C5orf46: variants seen among roughly 807,000 people sequenced by gnomAD.
C5orf46 encodes the protein uncharacterized protein C5orf46.
Under a neutral mutation model 8.9 loss-of-function variants are expected in C5orf46, and 9 were observed. That is an observed-to-expected ratio of 1.01 (90% CI 0.61 to 1.76). The LOEUF (loss-of-function observed/expected upper bound fraction) is 1.76. C5orf46 is among the 40% of genes most tolerant of loss of function. The pLI is 0.00. For missense variants in C5orf46, 98 were observed against 107.8 expected, an observed-to-expected ratio of 0.91 and a Z score of 0.40; for synonymous variants, 47 against 41.4, an observed-to-expected ratio of 1.14 and a Z score of -0.52.
rs1437340074 is a variant in C5orf46, at chr5:147,906,456, C to A, written c.46G>T (p.Val16Phe). 6.2e-7 allele frequency: 1 copy of A among 1,611,444 alleles called. No individual in the cohort carries two copies. The highest frequency in any genetic ancestry group is 8.5e-7 in the Non-Finnish European group (1 of 1,178,494). ...LRLTVVLGLL[V>F]LFLTCYADDK... ...CCTGCATAGCAGGTCAGGAATAAGA[C>A]AAGCAGTCCCAGGACAACTGTCAGG... The change falls in exon 1 of 4, where the codon GTC (valine) becomes TTC (phenylalanine). Residue 16 changes from valine to phenylalanine, a missense_variant. Transcript: ENST00000318315.
intron 1 of C5orf46, among the ~76,000 whole-genome samples, chr5:147,903,193 G>A (rs1757698250): frequency 6.6e-6 from 1 of 152,186 alleles, no homozygotes; most frequent in South Asian, 2.1e-4. Flanking sequence ...AGGATAAAGT[G>A]GGACCTTTAT....
At chr5:147,891,627 T>C (rs1228945207), downstream of C5orf46, among the ~76,000 whole-genome samples, 1 of 152,192 alleles carries the variant, frequency 6.6e-6, no homozygotes, top group Admixed American at 6.5e-5. Flanking sequence ...AATATAGTTG[T>C]AGTAAATATG....
intron 3 of C5orf46, among the ~76,000 whole-genome samples, chr5:147,894,490 G>T (rs1389982914): frequency 6.6e-6 from 1 of 152,118 alleles, no homozygotes; most frequent in Non-Finnish European, 1.5e-5. Context: ...GTTGTGTGTA[G>T]AATCTCTTCT....
chr5:147,890,211 A>G (rs1274659924), downstream of C5orf46, among the ~76,000 whole-genome samples: 1 of 152,192 alleles, frequency 6.6e-6, no homozygotes, highest in African/African-American at 2.4e-5. Context: ...CTTCTGCATC[A>G]AGACTGTGAG....
rs542967078 is a variant in C5orf46, at chr5:147,898,554, AC to A, written c.216-1514del. 3.6e-3 allele frequency among the ~76,000 whole-genome samples: 548 copies of A among 152,286 alleles called. 4 individuals are homozygous for A. Among genetic ancestry groups the A allele is most frequent in the African/African-American group, 0.013 (531 of 41,574 alleles). On this transcript the variant is annotated intron_variant, in intron 2 of 3. Transcript: ENST00000318315. ...ATCTGGAGCTCAGGAAAAAATTGCA[AC>A]AGAAATGTGAATTTGAAACTCATTA...
downstream of C5orf46, among the ~76,000 whole-genome samples, chr5:147,890,874 G>T (rs1394945390): frequency 6.6e-6 from 1 of 152,156 alleles, no homozygotes. Flanking sequence ...TGAAGTGTTT[G>T]TTTCAAATGA....
intron 3 of C5orf46, among the ~76,000 whole-genome samples, chr5:147,896,336 A>C (rs754794645): frequency 6.6e-6 from 1 of 152,174 alleles, no homozygotes; most frequent in Non-Finnish European, 1.5e-5. Context: ...TCTATTTTGC[A>C]TAGTGATTAT....
chr5:147,888,116 A>G (rs1757448579), downstream of C5orf46, among the ~76,000 whole-genome samples: 1 of 152,166 alleles, frequency 6.6e-6, no homozygotes, highest in Non-Finnish European at 1.5e-5. Flanking sequence ...TCAGACTCCT[A>G]CGAGTCATTC....
At chr5:147,902,983 G>A (rs910799686) in intron 1 of C5orf46, among the ~76,000 whole-genome samples, 1 of 152,186 alleles carries the variant, frequency 6.6e-6, no homozygotes, top group Non-Finnish European at 1.5e-5. Context: ...AAAATGCTAA[G>A]ATGATAACTG....
chr5:147,901,233 A>C (rs1757664359), intron 2 of C5orf46: 1 of 156,096 alleles, frequency 6.4e-6, no homozygotes, highest in South Asian at 2.0e-4. Context: ...TTTTAACTTC[A>C]CAGTTAAAAT....
At chr5:147,901,468 T>C (rs1757668180) in intron 2 of C5orf46, 161 bp downstream of exon 2, 3 of 608,934 alleles carry the variant, frequency 4.9e-6, no homozygotes, top group South Asian at 3.1e-5. Context: ...TTGATTCAGA[T>C]GCAAAATATA....
chr5:147,904,524 A>G (rs906827299), intron 1 of C5orf46, among the ~76,000 whole-genome samples: 8 of 152,226 alleles, frequency 5.3e-5, no homozygotes, highest in African/African-American at 1.9e-4. Flanking sequence ...CTATCTGGCT[A>G]CTTGCATAAT....
chr5:147,896,463 G>T (rs1561630593), intron 3 of C5orf46, among the ~76,000 whole-genome samples: 1 of 152,040 alleles, frequency 6.6e-6, no homozygotes, highest in Non-Finnish European at 1.5e-5. Flanking sequence ...TAACACTTTT[G>T]TTTTCGTATT....
chr5:147,894,986 C>T (rs1201202712), intron 3 of C5orf46, among the ~76,000 whole-genome samples: 1 of 151,846 alleles, frequency 6.6e-6, no homozygotes, highest in Non-Finnish European at 1.5e-5. Flanking sequence ...TCACTTGAAC[C>T]CAGGAGGCAG....
At chr5:147,904,090 A>T (rs1221262125) in intron 1 of C5orf46, among the ~76,000 whole-genome samples, 1 of 114,696 alleles carries the variant, frequency 8.7e-6, no homozygotes, top group Admixed American at 8.5e-5. Context: ...GAGTCAAGGT[A>T]AAAAAAAAAA....
chr5:147,901,682 T>C lies in C5orf46; in HGVS notation c.162A>G (p.Thr54=), dbSNP rs1374950828. ...DFPKFLSLLG[T]EIIENAVEFI... ...ACTCGACTGCATTCTCAATGATCTC[T>C]GTGCCCAGGAGGCTTAGGAATTTGG... The change falls in exon 2 of 4, where the codon ACA becomes ACG. Residue 54 remains threonine, a synonymous_variant. Transcript: ENST00000318315. 3.7e-6 allele frequency: 6 copies of C among 1,613,848 alleles called. No homozygotes were observed. Among genetic ancestry groups the C allele is most frequent in the Admixed American group, 3.3e-5 (2 of 60,000 alleles).
intron 1 of C5orf46, among the ~76,000 whole-genome samples, chr5:147,903,395 CTG>C (rs1233315352): frequency 6.6e-6 from 1 of 152,198 alleles, no homozygotes; most frequent in Non-Finnish European, 1.5e-5. Context: ...CCAAATCTAA[CTG>C]TGTTTCTCGT....
intron 2 of C5orf46, among the ~76,000 whole-genome samples, chr5:147,900,829 A>C (rs1345093512): frequency 6.6e-6 from 1 of 152,240 alleles, no homozygotes; most frequent in African/African-American, 2.4e-5. Context: ...AATTTGGAAG[A>C]GTGAATTTCA....
Position 147,898,349 on chromosome 5 carries a change from G to C in C5orf46, c.216-1308C>G, listed in dbSNP as rs115045567. Among the ~76,000 whole-genome samples the C allele has an allele frequency of 2.7e-3, 409 of 152,258 alleles. 2 individuals carry two copies. Among genetic ancestry groups the C allele is most frequent in the African/African-American group, 9.3e-3 (386 of 41,564 alleles). ...TATTCAGCAATTCGATGAAGGTGAT[G>C]ATGAGCAGGAAGGATTTGAGAAGAT... On this transcript the variant is annotated intron_variant, in intron 2 of 3. Coordinates refer to ENST00000318315, the MANE Select transcript of C5orf46 (RefSeq NM_206966.3).
Sources: gnomAD v4.1 joint callset for allele counts (sites outside exome capture counted in the v4.1 genomes callset) on GRCh38, gnomAD v4.1.1 for gene constraint, MANE v1.5 for transcripts, NCBI Gene and HGNC (gene_info 2026-07-23, HGNC 2026-07-21) for gene names.